The following KCNIP4 variants were observed in gnomAD, a reference collection of about 807,000 sequenced individuals.
KCNIP4 encodes potassium voltage-gated channel interacting protein 4.
In KCNIP4, 12 loss-of-function variants were observed where a neutral mutation model predicts 34.0. The ratio of observed to expected loss-of-function variants is 0.35; its 90% CI spans 0.23 to 0.57. The LOEUF (loss-of-function observed/expected upper bound fraction) is 0.57, where lower values mean the gene tolerates loss of function less well. KCNIP4 is among the 20% of genes least tolerant of loss of function. The pLI is 0.83. For missense variants in KCNIP4, 238 were observed against 311.7 expected (o/e 0.76, Z 1.78); for synonymous variants, 124 against 102.2 (o/e 1.21, Z -1.29).
intron 1 of KCNIP4, among the ~76,000 whole-genome samples, chr4:21,640,528 G>A (rs1746541343): frequency 6.6e-6 from 1 of 152,104 alleles, no homozygotes; most frequent in African/African-American, 2.4e-5. Context: ...TGCAGTACAG[G>A]AAAGCAGTTC....
intron 1 of KCNIP4, among the ~76,000 whole-genome samples, chr4:21,434,323 C>T (rs892345136): frequency 1.1e-4 from 16 of 152,054 alleles, no homozygotes; most frequent in African/African-American, 3.9e-4. Flanking sequence ...AGGTCAGAGG[C>T]ATAAAGAGGG....
At chr4:21,469,865 G>A (rs1187536531) in intron 1 of KCNIP4, among the ~76,000 whole-genome samples, 2 of 152,130 alleles carry the variant, frequency 1.3e-5, no homozygotes, top group Non-Finnish European at 2.9e-5. Flanking sequence ...GCTACTAAAT[G>A]TGTCCCTATG....
intron 1 of KCNIP4, among the ~76,000 whole-genome samples, chr4:21,247,608 T>G (rs1760317572): frequency 7.3e-6 from 1 of 137,776 alleles, no homozygotes; most frequent in Non-Finnish European, 1.6e-5. Flanking sequence ...ACAGATGGTA[T>G]ATATATTTAT....
chr4:21,459,707 G>C (rs1345415309), intron 1 of KCNIP4, among the ~76,000 whole-genome samples: 1 of 151,966 alleles, frequency 6.6e-6, no homozygotes, highest in Non-Finnish European at 1.5e-5. Flanking sequence ...TTCAGGACAG[G>C]TGAAGTCTTA....
intron 1 of KCNIP4, among the ~76,000 whole-genome samples, chr4:21,036,666 C>A (rs1167739909): frequency 6.6e-6 from 1 of 152,140 alleles, no homozygotes; most frequent in East Asian, 1.9e-4. Flanking sequence ...GCGGAGGTTG[C>A]AGTGAGCCGA....
At chr4:21,727,177 TAAG>T (rs1250402001) in intron 1 of KCNIP4, among the ~76,000 whole-genome samples, 2 of 152,196 alleles carry the variant, frequency 1.3e-5, no homozygotes, top group African/African-American at 4.8e-5. Flanking sequence ...ATGGGACCTT[TAAG>T]AAATGATTAA....
intron 1 of KCNIP4, among the ~76,000 whole-genome samples, chr4:21,285,991 T>C (rs1027656528): frequency 2.0e-5 from 3 of 152,214 alleles, no homozygotes; most frequent in Non-Finnish European, 4.4e-5. Context: ...TGAGACAAAC[T>C]CTAAATGGAA....
intron 1 of KCNIP4, among the ~76,000 whole-genome samples, chr4:21,431,160 C>A (rs1726407633): frequency 6.6e-6 from 1 of 151,148 alleles, no homozygotes; most frequent in Non-Finnish European, 1.5e-5. Flanking sequence ...GCAAGGATAT[C>A]CAATAAATTT....
chr4:20,768,180 G>A (rs1755580621), intron 3 of KCNIP4, among the ~76,000 whole-genome samples: 2 of 152,012 alleles, frequency 1.3e-5, no homozygotes, highest in African/African-American at 4.8e-5. Flanking sequence ...TTTAGAATAG[G>A]GAATACTAAA....
At chr4:20,935,923 T>C (rs1439634112) in intron 1 of KCNIP4, among the ~76,000 whole-genome samples, 1 of 152,198 alleles carries the variant, frequency 6.6e-6, no homozygotes, top group Non-Finnish European at 1.5e-5. Context: ...GCATCAACAA[T>C]GTATCTGATA....
rs988483071 is a variant in KCNIP4 at position 21,682,185 on chromosome 4, G to A, written c.61+266386C>T. Among the ~76,000 whole-genome samples the A allele has an allele frequency of 2.0e-5, 3 of 152,030 alleles. No homozygotes were observed. The East Asian group carries it at 5.8e-4, about 29-fold the overall frequency. ...TGAGATTACCTGCGTGAGCCACCACGCCCAGCCAATGCCATACACTTTCAA... is the reference window on the plus strand; with the variant it reads ...TGAGATTACCTGCGTGAGCCACCACACCCAGCCAATGCCATACACTTTCAA... On this transcript the variant is annotated intron_variant, in intron 1 of 8. Transcript: ENST00000382152.
At chr4:21,224,738 C>T (rs925602826) in intron 1 of KCNIP4, among the ~76,000 whole-genome samples, 2 of 151,830 alleles carry the variant, frequency 1.3e-5, no homozygotes, top group South Asian at 4.2e-4. Flanking sequence ...AGATGCGCAC[C>T]ACCATGCCTG....
rs528220144 is a variant in KCNIP4 at position 21,372,233 on chromosome 4, C to T, written c.62-489524G>A. Among the ~76,000 whole-genome samples the T allele has an allele frequency of 2.0e-5, 3 of 147,274 alleles. 1 individual carries two copies. The highest frequency in any genetic ancestry group is 8.1e-5 in the African/African-American group (3 of 36,948). ...AGTCTTATCTCACCTATCATGAGAGCAGATTGCTACTTATGTATCCATTTA... is the reference window on the plus strand; with the variant it reads ...AGTCTTATCTCACCTATCATGAGAGTAGATTGCTACTTATGTATCCATTTA... On this transcript the variant is annotated intron_variant, in intron 1 of 8. Transcript: ENST00000382152.
intron 1 of KCNIP4, among the ~76,000 whole-genome samples, chr4:21,928,523 A>T (rs1729394758): frequency 6.6e-6 from 1 of 152,246 alleles, no homozygotes; most frequent in South Asian, 2.1e-4. Context: ...TTTTCACCTA[A>T]TGCTAAAAGA....
At chr4:21,021,445 T>A (rs945959576) in intron 1 of KCNIP4, among the ~76,000 whole-genome samples, 4 of 152,326 alleles carry the variant, frequency 2.6e-5, no homozygotes, top group Non-Finnish European at 4.4e-5. Flanking sequence ...TACTTTTTAA[T>A]TTTTTAAAAG....
At position 21,278,211 on chromosome 4, in the gene KCNIP4, A is replaced by G. The variant is rs536927840; in HGVS notation, c.62-395502T>C. ...AAGAGGTAAAGATAATTCTTTGTTA[A>G]CTTTTATTTTAAGTTCAGGGGCACA... On this transcript the variant is annotated intron_variant, in intron 1 of 8. Coordinates refer to ENST00000382152, the MANE Select transcript of KCNIP4 (RefSeq NM_025221.6). Among the ~76,000 whole-genome samples, 4 of 152,272 alleles carry G rather than the reference A, an allele frequency of 2.6e-5. No individual in the cohort carries two copies. The South Asian group carries it at 8.3e-4, about 32-fold the overall frequency.
chr4:21,367,681 T>C (rs1719923303), intron 1 of KCNIP4, among the ~76,000 whole-genome samples: 1 of 147,736 alleles, frequency 6.8e-6, no homozygotes, highest in Non-Finnish European at 1.5e-5. Flanking sequence ...TGGAAAATCA[T>C]GGCTCCATGG....
intron 1 of KCNIP4, among the ~76,000 whole-genome samples, chr4:21,747,982 A>G (rs572908818): frequency 6.6e-6 from 1 of 152,266 alleles, no homozygotes; most frequent in East Asian, 1.9e-4. Context: ...GAACATCAGG[A>G]GCCACCAGAA....
chr4:21,702,726 A>G (rs1243275960), intron 1 of KCNIP4, among the ~76,000 whole-genome samples: 6 of 152,114 alleles, frequency 3.9e-5, no homozygotes, highest in Non-Finnish European at 5.9e-5. Flanking sequence ...AATAGACAAG[A>G]GTTATACTTC....
Sources: gnomAD v4.1 joint callset for allele counts (sites outside exome capture counted in the v4.1 genomes callset) on GRCh38, gnomAD v4.1.1 for gene constraint, MANE v1.5 for transcripts, NCBI Gene and HGNC (gene_info 2026-07-23, HGNC 2026-07-21) for gene names.